The following CHD4 variants were observed in gnomAD, a reference collection of about 807,000 sequenced individuals.
CHD4 encodes the protein ATP-dependent chromatin remodeler CHD4.
Under a neutral mutation model 235.5 loss-of-function variants are expected in CHD4, and 35 were observed. The ratio of observed to expected loss-of-function variants is 0.15; its 90% CI spans 0.11 to 0.20. The LOEUF (loss-of-function observed/expected upper bound fraction) is 0.20, where lower values mean the gene tolerates loss of function less well. Ranked by LOEUF, CHD4 falls within the 10% of genes least tolerant of loss-of-function variation. The pLI is 1.00. For synonymous variants in CHD4, 900 were observed against 850.2 expected (o/e 1.06, Z -1.02); for missense variants, 1,329 against 2,432.3 (o/e 0.55, Z 9.54).
rs756583880 is a variant in CHD4 at position 6,578,695 on chromosome 12, C to T, written c.4982-149G>A. The T allele has an allele frequency of 2.2e-6, 3 of 1,384,522 alleles. No homozygotes were observed. The Admixed American group carries it at 5.7e-5, about 26-fold the overall frequency. 85.8% of individuals were successfully genotyped at this position (1,384,522 alleles called of 1,614,324 possible). Reference sequence around the variant, plus strand: ...CAGACCCAGAAAATGGTGCCATTGGCCCACTGACAACTAAATGTGGGGACA... The same window carrying T: ...CAGACCCAGAAAATGGTGCCATTGGTCCACTGACAACTAAATGTGGGGACA... On this transcript the variant is annotated intron_variant, in intron 34 of 39. Coordinates refer to ENST00000544040, the MANE Select transcript of CHD4 (RefSeq NM_001273.5).
chr12:6,601,620 C>T (rs762251135), intron 5 of CHD4, 28 bp downstream of exon 5: 13 of 1,613,202 alleles, frequency 8.1e-6, no homozygotes, highest in Non-Finnish European at 1.0e-5. Flanking sequence ...GATTCTCCTC[C>T]CCCTTCCCCA....
chr12:6,580,537 T>C (rs1030527432), intron 33 of CHD4: 1 of 153,030 alleles, frequency 6.5e-6, no homozygotes, highest in Non-Finnish European at 1.4e-5. Context: ...AGAAACCCCC[T>C]CTCTACTAAA....
intron 10 of CHD4, 35 bp from the exon 11 acceptor site, chr12:6,598,460 T>C (rs375844456): frequency 3.3e-6 from 5 of 1,521,348 alleles, no homozygotes; most frequent in Non-Finnish European, 4.5e-6. Flanking sequence ...TCTCAAATCA[T>C]AACCATGGGA....
intron 2 of CHD4, among the ~76,000 whole-genome samples, chr12:6,604,373 C>A (rs1047923605): frequency 2.6e-5 from 4 of 152,178 alleles, no homozygotes; most frequent in Non-Finnish European, 5.9e-5. Flanking sequence ...CTCCCCACTT[C>A]CTGAGCTAGA....
chr12:6,590,227 G>A (rs531613549), intron 22 of CHD4: 25 of 152,134 alleles, frequency 1.6e-4, no homozygotes, highest in Admixed American at 3.9e-4. Flanking sequence ...TATCATATAA[G>A]AAAATAAAGA....
chr12:6,574,561 C>T (rs971759851), intron 37 of CHD4, among the ~76,000 whole-genome samples: 7 of 152,022 alleles, frequency 4.6e-5, no homozygotes, highest in African/African-American at 7.2e-5. Context: ...TTTCTCATAC[C>T]CTTCTCCTCT....
intron 22 of CHD4, among the ~76,000 whole-genome samples, chr12:6,591,077 C>A (rs578190338): frequency 7.5e-6 from 1 of 133,416 alleles, no homozygotes; most frequent in South Asian, 2.5e-4. Context: ...GAGCCAAGAT[C>A]GTGCCGCTGC....
At chr12:6,598,474 G>A (rs776781403) in intron 10 of CHD4, 49 bp from the exon 11 acceptor site, 4 of 1,442,670 alleles carry the variant, frequency 2.8e-6, no homozygotes, top group Non-Finnish European at 2.8e-6. Flanking sequence ...CATGGGAGGA[G>A]AAGGGACAGC....
At chr12:6,581,572 A>C (rs1948189966) in intron 31 of CHD4, 77 bp downstream of exon 31, 2 of 1,591,776 alleles carry the variant, frequency 1.3e-6, no homozygotes, top group Non-Finnish European at 1.7e-6. Context: ...ACCCTGTTAG[A>C]ACTGAGCACA....
At position 6,592,488 on chromosome 12, in the gene CHD4, C is replaced by A; in HGVS notation, c.2853G>T (p.Gly951=). The stretch of plus-strand genomic sequence containing the variant: ...CTTTGAGCCGCCGCAACATGTGCGG[C>A]CCCAGCATGTCATGCAGTTTTTTTA... ...DQIKKLHDML[G]PHMLRRLKAD... is the part of the protein sequence containing the mutation. The change falls in exon 19 of 40, where the codon GGG becomes GGT. Residue 951 remains glycine (G), a synonymous_variant. Transcript: ENST00000544040. The A allele has an allele frequency of 6.2e-7, 1 of 1,612,024 alleles. No individual in the cohort carries two copies. Among genetic ancestry groups the A allele is most frequent in the Non-Finnish European group, 8.5e-7 (1 of 1,178,190 alleles).
At chr12:6,577,645 TA>T in intron 37 of CHD4, 139 bp downstream of exon 37, 1 of 1,121,230 alleles carries the variant, frequency 8.9e-7, no homozygotes. Flanking sequence ...CCCTAATGTG[TA>T]AGTTACTTGG....
Position 6,582,287 on chromosome 12 carries a change from T to G in CHD4, c.4371-6A>C. On this transcript the variant is annotated splice_region_variant and splice_polypyrimidine_tract_variant and intron_variant, in intron 29 of 39. Transcript: ENST00000544040. ...TGAAAAGAGAGACATATGCCCTGTGTAAAGAAGTAGAGAAAGAGTTAAATA... is the reference window on the plus strand; with the variant it reads ...TGAAAAGAGAGACATATGCCCTGTGGAAAGAAGTAGAGAAAGAGTTAAATA... 17 of 1,557,988 alleles carry G rather than the reference T, an allele frequency of 1.1e-5. No individual in the cohort carries two copies. The highest frequency in any genetic ancestry group is 1.5e-5 in the Non-Finnish European group (17 of 1,153,958).
intron 22 of CHD4, among the ~76,000 whole-genome samples, chr12:6,588,846 G>A (rs78808695): frequency 0.031 from 4,693 of 152,134 alleles, 269 homozygotes; most frequent in East Asian, 0.26. Context: ...TCAGGAAGCT[G>A]AGGCAGGAGA....
chr12:6,596,162 T>C (rs773075599), intron 12 of CHD4, 25 bp from the exon 13 acceptor site: 3 of 1,608,998 alleles, frequency 1.9e-6, no homozygotes, highest in East Asian at 4.5e-5. Context: ...GAGAAAACCC[T>C]CAGAGCCAGA....
At chr12:6,602,941 G>A (rs1948624461) in intron 2 of CHD4, 1 of 161,228 alleles carries the variant, frequency 6.2e-6, no homozygotes, top group African/African-American at 2.4e-5. Flanking sequence ...TCCCAGAACA[G>A]GATCAGTTCA....
chr12:6,606,442 G>C lies in CHD4; in HGVS notation c.-69C>G, dbSNP rs1048537679. The C allele has an allele frequency of 2.2e-6, 2 of 924,870 alleles. No individual in the cohort carries two copies. The highest frequency in any genetic ancestry group is 1.7e-5 in the African/African-American group (1 of 57,400). The allele number at this position is 924,870 out of a possible 1,614,324, so 57.3% of individuals were successfully genotyped here. A position where few individuals can be genotyped will look rare whatever the true frequency, so the allele number is the denominator to read the frequency against. On this transcript the variant is annotated 5_prime_UTR_variant, in exon 2 of 40. Coordinates refer to ENST00000544040, the MANE Select transcript of CHD4 (RefSeq NM_001273.5). ...CGGCGGCCTGAGGACCTCTACACTGGCCCGAGTCACTGTGCGGGGGAGGGG... is the reference window on the plus strand; with the variant it reads ...CGGCGGCCTGAGGACCTCTACACTGCCCCGAGTCACTGTGCGGGGGAGGGG...
Position 6,582,949 on chromosome 12 carries a change from A to G in CHD4, c.4148-13T>C. 6.2e-7 allele frequency: 1 copy of G among 1,612,608 alleles called. No homozygotes were observed. The highest frequency in any genetic ancestry group is 1.1e-5 in the South Asian group (1 of 90,774). ...GGCCTACGGGGAGCTGCAAGAAGAA[A>G]AAGATGAATGAGTGACACAGGTAGG... On this transcript the variant is annotated splice_polypyrimidine_tract_variant and intron_variant, in intron 27 of 39. Transcript: ENST00000544040.
chr12:6,587,756 T>C lies in CHD4; in HGVS notation c.3659A>G (p.Lys1220Arg). 6.2e-7 allele frequency: 1 copy of C among 1,614,216 alleles called. No individual in the cohort carries two copies. Among genetic ancestry groups the C allele is most frequent in the Non-Finnish European group, 8.5e-7 (1 of 1,180,046 alleles). ...MSKQELDDIL[K>R]FGTEELFKDE... is the part of the protein sequence containing the mutation. ...CTTGAATAGTTCCTCAGTGCCAAAT[T>C]TGAGGATATCATCAAGCTCCTGTTT... Residue 1220 changes from lysine (K) to arginine (R), a missense_variant, in exon 24 of 40, where the codon AAA (lysine) becomes AGA (arginine). Coordinates refer to ENST00000544040, the MANE Select transcript of CHD4 (RefSeq NM_001273.5).
At chr12:6,591,878 AC>A in intron 20 of CHD4, 37 bp downstream of exon 20, 1 of 1,614,056 alleles carries the variant, frequency 6.2e-7, no homozygotes, top group Non-Finnish European at 8.5e-7. Context: ...CATGGAGAAG[AC>A]CCAACCCAGG....
Sources: gnomAD v4.1 joint callset for allele counts (sites outside exome capture counted in the v4.1 genomes callset) on GRCh38, gnomAD v4.1.1 for gene constraint, MANE v1.5 for transcripts, NCBI Gene and HGNC (gene_info 2026-07-23, HGNC 2026-07-21) for gene names.